The following CBFA2T2 variants were observed in gnomAD, a reference collection of about 807,000 sequenced individuals.
The protein encoded by CBFA2T2 is protein CBFA2T2.
Under a neutral mutation model 62.2 loss-of-function variants are expected in CBFA2T2, and 11 were observed. The ratio of observed to expected loss-of-function variants is 0.18; its 90% CI spans 0.11 to 0.29. The LOEUF (loss-of-function observed/expected upper bound fraction) is 0.29, where lower values mean the gene tolerates loss of function less well. Among genes scored for constraint, CBFA2T2 ranks in the 10% least tolerant of loss-of-function variants. The probability of loss-of-function intolerance (pLI) is 1.00; values close to 1 mark genes in which losing one functional copy is unlikely to be tolerated. For synonymous variants in CBFA2T2, 295 were observed against 287.5 expected (o/e 1.03, Z -0.27); for missense variants, 592 against 774.1 (o/e 0.76, Z 2.79).
intron 3 of CBFA2T2, among the ~76,000 whole-genome samples, chr20:33,615,178 G>A: frequency 6.6e-6 from 1 of 152,000 alleles, no homozygotes; most frequent in African/African-American, 2.4e-5. Flanking sequence ...AAAAATAAAG[G>A]CCACATAATT....
intron 1 of CBFA2T2, among the ~76,000 whole-genome samples, chr20:33,531,053 A>C (rs2012045928): frequency 6.6e-6 from 1 of 152,178 alleles, no homozygotes; most frequent in Non-Finnish European, 1.5e-5. Context: ...ATTGCACTCC[A>C]ACCTGGGCAA....
rs140963398 is a variant in CBFA2T2, at chr20:33,641,732, A to G, written c.1488+1201A>G. On this transcript the variant is annotated intron_variant, in intron 10 of 10. Coordinates refer to ENST00000342704, the MANE Select transcript of CBFA2T2 (RefSeq NM_001032999.3). ...CAAGTAGCTTGGAGTACAGGTGCACACCACCGTGCCTGGCTAATTTTCATA... is the reference window on the plus strand; with the variant it reads ...CAAGTAGCTTGGAGTACAGGTGCACGCCACCGTGCCTGGCTAATTTTCATA... 5.9e-3 allele frequency among the ~76,000 whole-genome samples: 900 copies of G among 152,204 alleles called. 5 individuals carry two copies. The highest frequency in any genetic ancestry group is 0.02 in the African/African-American group (841 of 41,528).
chr20:33,580,972 G>A (rs938955221), intron 1 of CBFA2T2, among the ~76,000 whole-genome samples: 5 of 152,134 alleles, frequency 3.3e-5, no homozygotes, highest in Non-Finnish European at 7.4e-5. Context: ...CATAGCATGA[G>A]TATTGGAATG....
intron 1 of CBFA2T2, among the ~76,000 whole-genome samples, chr20:33,503,259 T>TTC (rs1568788270): frequency 9.9e-5 from 14 of 141,096 alleles, no homozygotes; most frequent in African/African-American, 3.7e-4. Context: ...TCTTTCTTTT[T>TTC]TTTTTTTTTT....
chr20:33,642,998 G>A (rs144791899), intron 10 of CBFA2T2, among the ~76,000 whole-genome samples: 1 of 152,346 alleles, frequency 6.6e-6, no homozygotes, highest in East Asian at 1.9e-4. Context: ...GGAAGGGATA[G>A]AGGGCCTGTC....
intron 1 of CBFA2T2, among the ~76,000 whole-genome samples, chr20:33,502,103 T>C (rs910626785): frequency 3.9e-5 from 6 of 152,226 alleles, no homozygotes; most frequent in Admixed American, 3.3e-4. Flanking sequence ...GCCGGGATTA[T>C]AGACAAGCGT....
At chr20:33,627,395 A>G (rs1162039793) in intron 6 of CBFA2T2, among the ~76,000 whole-genome samples, 1 of 151,288 alleles carries the variant, frequency 6.6e-6, no homozygotes, top group Admixed American at 6.6e-5. Flanking sequence ...GACTCCGTCA[A>G]GGGGGGGGAA....
rs1204428285 is a variant in CBFA2T2, at chr20:33,649,015, CAG to C, written c.*4371_*4372del. 2.6e-5 allele frequency: 4 copies of C among 152,156 alleles called. No homozygotes were observed. The highest frequency in any genetic ancestry group is 4.4e-5 in the Non-Finnish European group (3 of 68,032). The allele number at this position is 152,156 out of a possible 1,614,324, so 9.4% of individuals were successfully genotyped here. A position where few individuals can be genotyped will look rare whatever the true frequency, so the allele number is the denominator to read the frequency against. ...GGTAGTGAGCTCTTCAAAATGAAAA[CAG>C]AATGACCGGATGGCCATCTGTCCTG... On this transcript the variant is annotated 3_prime_UTR_variant, in exon 11 of 11. Transcript: ENST00000342704.
intron 1 of CBFA2T2, among the ~76,000 whole-genome samples, chr20:33,563,381 A>G (rs2013162419): frequency 6.6e-6 from 1 of 152,106 alleles, no homozygotes; most frequent in African/African-American, 2.4e-5. Flanking sequence ...TTTCTTATAT[A>G]TAAGAAATAG....
chr20:33,611,159 A>G lies in CBFA2T2; in HGVS notation c.244A>G (p.Ser82Gly), dbSNP rs757545629. The change falls in exon 3 of 11, where the codon AGC becomes GGC. Residue 82 changes from serine (S) to glycine (G), a missense_variant. Ser to Gly is a moderately conservative substitution (Grantham distance 56). Around this residue, in one of 3 missense-constraint regions of CBFA2T2, gnomAD observed 449 missense variants for 551.2 expected, o/e 0.81. Transcript: ENST00000342704. Reference sequence around the variant, plus strand: ...TGCCCCATCACCGCCACAGAGATTCAGCAATGGTCCTGCCTCCTCCACATC... The same window carrying G: ...TGCCCCATCACCGCCACAGAGATTCGGCAATGGTCCTGCCTCCTCCACATC... ...NGAPSPPQRF[S>G]NGPASSTSSA... is the part of the protein sequence containing the mutation. 19 of 1,614,066 alleles carry G rather than the reference A, an allele frequency of 1.2e-5. No homozygotes were observed. The East Asian group carries it at 1.6e-4, about 13-fold the overall frequency.
chr20:33,587,818 C>T (rs947803355), intron 1 of CBFA2T2, among the ~76,000 whole-genome samples: 1 of 152,184 alleles, frequency 6.6e-6, no homozygotes, highest in African/African-American at 2.4e-5. Context: ...TATGTCTGGG[C>T]TGTTTTGGCA....
intron 1 of CBFA2T2, among the ~76,000 whole-genome samples, chr20:33,490,865 A>T (rs750814397): frequency 1.7e-4 from 26 of 152,124 alleles, no homozygotes; most frequent in Non-Finnish European, 3.2e-4. Flanking sequence ...GGGTTTTGTG[A>T]GGCCAGTAAA....
chr20:33,565,102 G>A (rs2013250316), intron 1 of CBFA2T2, among the ~76,000 whole-genome samples: 1 of 152,094 alleles, frequency 6.6e-6, no homozygotes, highest in Admixed American at 6.5e-5. Context: ...TGTATTTTTA[G>A]TAGAGACGGT....
intron 1 of CBFA2T2, among the ~76,000 whole-genome samples, chr20:33,499,043 A>G (rs905576713): frequency 3.9e-5 from 5 of 127,504 alleles, no homozygotes; most frequent in African/African-American, 1.6e-4. Context: ...AACTCCGTCT[A>G]AAAAGAAAAA....
intron 1 of CBFA2T2, among the ~76,000 whole-genome samples, chr20:33,591,674 A>G (rs1035435164): frequency 2.0e-5 from 3 of 152,164 alleles, no homozygotes; most frequent in African/African-American, 7.2e-5. Context: ...TTTTTACTTA[A>G]TAGAATATAA....
intron 1 of CBFA2T2, among the ~76,000 whole-genome samples, chr20:33,502,279 A>T (rs2011298843): frequency 6.6e-6 from 1 of 152,146 alleles, no homozygotes; most frequent in African/African-American, 2.4e-5. Flanking sequence ...ATTGTTCCAG[A>T]TTTGGCCAGG....
At chr20:33,549,542 G>A (rs1025414595) in intron 1 of CBFA2T2, among the ~76,000 whole-genome samples, 1 of 152,156 alleles carries the variant, frequency 6.6e-6, no homozygotes, top group African/African-American at 2.4e-5. Context: ...TCCAGGAATA[G>A]CGAATTTATA....
intron 1 of CBFA2T2, among the ~76,000 whole-genome samples, chr20:33,590,776 A>G (rs2014582682): frequency 6.6e-6 from 1 of 152,174 alleles, no homozygotes; most frequent in East Asian, 1.9e-4. Flanking sequence ...TCTCAAAACA[A>G]AAGCTGATGG....
At chr20:33,521,231 T>C (rs1243753619) in intron 1 of CBFA2T2, among the ~76,000 whole-genome samples, 1 of 152,210 alleles carries the variant, frequency 6.6e-6, no homozygotes, top group Admixed American at 6.5e-5. Flanking sequence ...GACACTACCA[T>C]GCTTATGAAG....
Sources: allele counts gnomAD v4.1 joint callset (sites outside exome capture counted in the v4.1 genomes callset), GRCh38; gene constraint gnomAD v4.1.1; regional missense constraint gnomAD v4.1.1; transcripts MANE v1.5; gene names NCBI Gene and HGNC (gene_info 2026-07-23, HGNC 2026-07-21).